Variants in TIAM2 observed in about 807,000 individuals in gnomAD.
TIAM2 encodes the protein TIAM Rac1 associated GEF 2, also known as rho guanine nucleotide exchange factor TIAM2.
TIAM2 carries 80 observed loss-of-function variants against 152.9 expected under a neutral mutation model. The observed-to-expected ratio is 0.52, with a 90% CI of 0.44 to 0.63. TIAM2 has a LOEUF of 0.63. Among genes scored for constraint, TIAM2 ranks in the 30% least tolerant of loss-of-function variants. The pLI is 0.00. For missense variants in TIAM2, 1,965 were observed against 2,120.1 expected (o/e 0.93, Z 1.44); for synonymous variants, 804 against 838.0 (o/e 0.96, Z 0.70).
intron 1 of TIAM2, among the ~76,000 whole-genome samples, chr6:155,063,531 C>T (rs1372261279): frequency 6.6e-6 from 1 of 152,088 alleles, no homozygotes; most frequent in African/African-American, 2.4e-5. Context: ...TGTCTGTAAT[C>T]CCAGCACTTT....
chr6:155,060,344 G>A (rs1444049704), intron 1 of TIAM2, among the ~76,000 whole-genome samples: 6 of 152,192 alleles, frequency 3.9e-5, no homozygotes, highest in African/African-American at 1.4e-4. Flanking sequence ...AGAGTTTGCG[G>A]TGAGCCGAGA....
rs1020604692 is a variant in TIAM2 at position 155,240,636 on chromosome 6, G to A, written c.3275G>A (p.Arg1092His). The change falls in exon 16 of 27, where the codon CGC becomes CAC. Residue 1092 changes from arginine (R) to histidine (H), a missense_variant. By Grantham distance (29) the Arg-to-His change is conservative. Coordinates refer to ENST00000682666, the MANE Select transcript of TIAM2 (RefSeq NM_012454.4). ...GATCCTCCTCCGAGGTCTCTGGCCC[G>A]CCACCTGTCTGATGCAGACCGCCTC... is the stretch of plus-strand genomic sequence containing the variant. ...NQDPPPRSLA[R>H]HLSDADRLRK... 1.4e-5 allele frequency: 22 copies of A among 1,613,862 alleles called. No individual in the cohort carries two copies. Among genetic ancestry groups the A allele is most frequent in the Admixed American group, 1.0e-4 (6 of 60,010 alleles).
Position 155,042,920 on chromosome 6 carries a change from C to T in TIAM2, c.-208-47369C>T, listed in dbSNP as rs114873024. Among the ~76,000 whole-genome samples, 704 of 152,288 alleles carry T rather than the reference C, an allele frequency of 4.6e-3. 6 individuals carry two copies. The highest frequency in any genetic ancestry group is 0.015 in the African/African-American group (623 of 41,566). On this transcript the variant is annotated intron_variant, in intron 1 of 26. Coordinates refer to ENST00000682666, the MANE Select transcript of TIAM2 (RefSeq NM_012454.4). ...GAGCACCATCTCCTCAATCTTCCCT[C>T]CCTCCAGCCTCCCTCAGTTACTTTA...
chr6:155,251,128 T>G, intron 22 of TIAM2, 107 bp downstream of exon 22: 2 of 949,250 alleles, frequency 2.1e-6, no homozygotes, highest in South Asian at 2.8e-5. Flanking sequence ...GGAGTCAGAA[T>G]TGCTATAATG....
chr6:155,020,801 C>T (rs982156412), intron 1 of TIAM2, among the ~76,000 whole-genome samples: 19 of 152,108 alleles, frequency 1.2e-4, no homozygotes, highest in Non-Finnish European at 2.5e-4. Flanking sequence ...AGTACATTCA[C>T]ATTATTGTGC....
chr6:155,196,949 CCA>C (rs1201237824), intron 14 of TIAM2, among the ~76,000 whole-genome samples: 1 of 152,146 alleles, frequency 6.6e-6, no homozygotes, highest in Non-Finnish European at 1.5e-5. Context: ...TCAAATTATC[CCA>C]TTTTGTTACT....
chr6:155,059,282 C>CTGTGTGTGTGTGTGTGTGTG (rs200226916), intron 1 of TIAM2, among the ~76,000 whole-genome samples: 2 of 144,104 alleles, frequency 1.4e-5, no homozygotes, highest in African/African-American at 2.7e-5. Flanking sequence ...ATGTCCCTTT[C>CTGTGTGTGTGTGTGTGTGTG]TGTGTGTGTG....
chr6:155,129,455 C>G lies in TIAM2; in HGVS notation c.232C>G (p.Leu78Val), dbSNP rs1562325686. 1.4e-5 allele frequency: 23 copies of G among 1,614,168 alleles called. No homozygotes were observed. The highest frequency in any genetic ancestry group is 1.9e-5 in the Non-Finnish European group (23 of 1,180,028). ...GAGTAACCAGCCTTACGCATCGAGACTCGGTGGCCCCACATGCAAGGTCTC... is the reference window on the plus strand; with the variant it reads ...GAGTAACCAGCCTTACGCATCGAGAGTCGGTGGCCCCACATGCAAGGTCTC... The part of the protein sequence containing the change: ...FKSNQPYASR[L>V]GGPTCKVSRG... The change falls in exon 4 of 27, where the codon CTC (leucine) becomes GTC (valine). Residue 78 changes from leucine to valine, a missense_variant. Coordinates refer to ENST00000682666, the MANE Select transcript of TIAM2 (RefSeq NM_012454.4). The surrounding 1 kb of genome is among the most constrained non-coding windows in gnomAD (Gnocchi z 4.8).
rs903438432 is a variant in TIAM2, at chr6:155,119,794, A to G, written c.-117-7696A>G. ...TTTAATCGTGACTCAAGAAGACATAATTTTACTTCACAACCCAGTATATGG... is the reference window on the plus strand; with the variant it reads ...TTTAATCGTGACTCAAGAAGACATAGTTTTACTTCACAACCCAGTATATGG... On this transcript the variant is annotated intron_variant, in intron 2 of 26. Coordinates refer to ENST00000682666, the MANE Select transcript of TIAM2 (RefSeq NM_012454.4). 3.3e-5 allele frequency among the ~76,000 whole-genome samples: 5 copies of G among 152,312 alleles called. No homozygotes were observed. In the South Asian group the frequency reaches 1.0e-3, roughly 32 times the overall value.
chr6:155,130,686 T>A (rs189758600), intron 4 of TIAM2, among the ~76,000 whole-genome samples: 11 of 152,304 alleles, frequency 7.2e-5, no homozygotes, highest in Admixed American at 1.3e-4. Flanking sequence ...CAGACTTGGT[T>A]TAATCAACAG....
At chr6:155,038,456 A>G (rs1201845664) in intron 1 of TIAM2, among the ~76,000 whole-genome samples, 2 of 152,170 alleles carry the variant, frequency 1.3e-5, no homozygotes, top group African/African-American at 4.8e-5. Context: ...GGCTAGTTGG[A>G]GGTGGGATAC....
At chr6:155,144,907 A>C (rs1779788270) in intron 6 of TIAM2, 129 bp downstream of exon 6, 4 of 1,092,622 alleles carry the variant, frequency 3.7e-6, no homozygotes, top group Non-Finnish European at 5.2e-6. Flanking sequence ...GGCCTTAAGC[A>C]ACAGATGTTG....
intron 2 of TIAM2, among the ~76,000 whole-genome samples, chr6:155,122,579 A>G (rs955857031): frequency 6.6e-6 from 1 of 152,056 alleles, no homozygotes; most frequent in Non-Finnish European, 1.5e-5. Context: ...TAAAATTCCA[A>G]TATTTATTAT....
intron 9 of TIAM2, among the ~76,000 whole-genome samples, chr6:155,175,266 A>G (rs1780732328): frequency 6.6e-6 from 1 of 152,240 alleles, no homozygotes; most frequent in South Asian, 2.1e-4. Flanking sequence ...TTTCAAAAAG[A>G]TGGCACAGAG....
chr6:155,253,263 C>G (rs182451872), intron 24 of TIAM2: 259 of 505,346 alleles, frequency 5.1e-4, no homozygotes, highest in Admixed American at 7.8e-4. Flanking sequence ...TTGCCAAATG[C>G]CTTTCATTGT....
chr6:155,028,285 G>GA (rs1242753085), intron 1 of TIAM2, among the ~76,000 whole-genome samples: 1 of 120,542 alleles, frequency 8.3e-6, no homozygotes, highest in African/African-American at 3.0e-5. Flanking sequence ...TATGTACTGT[G>GA]TTACATATAT....
chr6:155,244,522 T>A, intron 17 of TIAM2, 136 bp from the exon 18 acceptor site: 1 of 1,070,676 alleles, frequency 9.3e-7, no homozygotes, highest in Non-Finnish European at 1.3e-6. Context: ...GAATGTGCTG[T>A]CTTCTTAAAG....
Position 155,211,296 on chromosome 6 carries a change from C to A in TIAM2, c.3157C>A (p.Gln1053Lys), listed in dbSNP as rs552342373. ...GGTTTCCCACAGGGAGAAAATGGAG[C>A]AGACATTCAGGGTAAGATACTGGCC... is the stretch of plus-strand genomic sequence containing the variant. ...DQVSHREKME[Q>K]TFRSAEQITA... is the part of the protein sequence containing the mutation. The change falls in exon 15 of 27, where the codon CAG becomes AAG. Residue 1053 changes from glutamine to lysine, a missense_variant. This residue lies in a region of TIAM2 where 935 missense variants were observed against 980.0 expected (regional missense o/e 0.95). Coordinates refer to ENST00000682666, the MANE Select transcript of TIAM2 (RefSeq NM_012454.4). 11 of 1,612,950 alleles carry A rather than the reference C, an allele frequency of 6.8e-6. No individual in the cohort carries two copies. The highest frequency in any genetic ancestry group is 9.3e-6 in the Non-Finnish European group (11 of 1,179,236).
chr6:155,147,191 T>C (rs1779837543), intron 6 of TIAM2, among the ~76,000 whole-genome samples: 1 of 149,158 alleles, frequency 6.7e-6, no homozygotes, highest in Non-Finnish European at 1.5e-5. Context: ...TTTTTTTTTG[T>C]ATTGAGGCCA....
Sources: allele counts gnomAD v4.1 joint callset (sites outside exome capture counted in the v4.1 genomes callset), GRCh38; gene constraint gnomAD v4.1.1; regional missense constraint gnomAD v4.1.1; non-coding constraint Gnocchi (gnomAD v3.1); transcripts MANE v1.5; gene names NCBI Gene and HGNC (gene_info 2026-07-23, HGNC 2026-07-21).